Variants in EDN1 observed in about 807,000 individuals in gnomAD.
EDN1 encodes endothelin 1.
Under a neutral mutation model 21.7 loss-of-function variants are expected in EDN1, and 11 were observed. That is an observed-to-expected ratio of 0.51 (90% CI 0.32 to 0.84). EDN1 has a LOEUF of 0.84. Ranked by LOEUF, EDN1 falls within the 40% of genes least tolerant of loss-of-function variation. The pLI is 0.03. For missense variants in EDN1, 244 were observed against 262.3 expected, an observed-to-expected ratio of 0.93 and a Z score of 0.48; for synonymous variants, 85 against 90.6, an observed-to-expected ratio of 0.94 and a Z score of 0.35.
chr6:12,296,379 G>C lies in EDN1; in HGVS notation c.*312G>C, dbSNP rs374886874. The C allele has an allele frequency of 1.5e-5, 5 of 336,516 alleles. No individual in the cohort carries two copies. Among genetic ancestry groups the C allele is most frequent in the African/African-American group, 1.0e-4 (5 of 47,670 alleles). The allele number at this position is 336,516 out of a possible 1,614,324, so 20.8% of individuals were successfully genotyped here. ...CCTCCGGAGAGAGAGAGAGGAAGGA[G>C]ATTCCACACAGGGGTGGAGTTTCTG... On this transcript the variant is annotated 3_prime_UTR_variant, in exon 5 of 5. Transcript: ENST00000379375.
chr6:12,233,461 C>G, the EDN1 span, among the ~76,000 whole-genome samples: 1 of 152,150 alleles, frequency 6.6e-6, no homozygotes, highest in Non-Finnish European at 1.5e-5. Context: ...AAGGTCATGT[C>G]CAGGTAGCGA....
At chr6:12,245,180 C>G in the EDN1 span, among the ~76,000 whole-genome samples, 1,437 of 152,178 alleles carry the variant, frequency 9.4e-3, 19 homozygotes, top group African/African-American at 0.032. Context: ...AGCTTTTTTC[C>G]TAAACATTTA....
chr6:12,256,547 A>G, the EDN1 span, among the ~76,000 whole-genome samples: 4 of 152,172 alleles, frequency 2.6e-5, no homozygotes, highest in African/African-American at 9.7e-5. Flanking sequence ...CACAGTCCCA[A>G]GGTGCATCCG....
chr6:12,237,471 G>A, the EDN1 span, among the ~76,000 whole-genome samples: 2 of 152,138 alleles, frequency 1.3e-5, no homozygotes, highest in Non-Finnish European at 2.9e-5. Flanking sequence ...TTTTATAAAT[G>A]TGGTAAATTT....
chr6:12,283,785 C>T, the EDN1 span, among the ~76,000 whole-genome samples: 1 of 152,236 alleles, frequency 6.6e-6, no homozygotes, highest in African/African-American at 2.4e-5. Context: ...CACCTGTGTT[C>T]TCACTGACAC....
rs1762643386 is a variant in EDN1, at chr6:12,290,462, T to A, written c.-168T>A. Reference sequence around the variant, plus strand: ...CCTGCAGACGCTCCGCTCGCTGCCTTCTCTCCTGGCAGGCGCTGCCTTTTC... The same window carrying A: ...CCTGCAGACGCTCCGCTCGCTGCCTACTCTCCTGGCAGGCGCTGCCTTTTC... On this transcript the variant is annotated 5_prime_UTR_variant, in exon 1 of 5. Coordinates refer to ENST00000379375, the MANE Select transcript of EDN1 (RefSeq NM_001955.5). The A allele has an allele frequency of 4.6e-6, 3 of 646,132 alleles. No individual in the cohort carries two copies. The highest frequency in any genetic ancestry group is 5.5e-6 in the Non-Finnish European group (2 of 364,554). The allele number at this position is 646,132 out of a possible 1,614,324, so 40.0% of individuals were successfully genotyped here. A position where few individuals can be genotyped will look rare whatever the true frequency, so the allele number is the denominator to read the frequency against.
chr6:12,241,196 C>T, the EDN1 span, among the ~76,000 whole-genome samples: 19,783 of 142,710 alleles, frequency 0.14, 1,478 homozygotes, highest in Middle Eastern at 0.3. Context: ...GATGGAGTCT[C>T]ACTCTGTCAC....
At chr6:12,250,117 C>G in the EDN1 span, among the ~76,000 whole-genome samples, 1 of 151,212 alleles carries the variant, frequency 6.6e-6, no homozygotes, top group Non-Finnish European at 1.5e-5. Flanking sequence ...TATTCCTGAC[C>G]CATGCACTCT....
chr6:12,238,657 G>A, the EDN1 span, among the ~76,000 whole-genome samples: 3 of 152,198 alleles, frequency 2.0e-5, no homozygotes, highest in African/African-American at 4.8e-5. Flanking sequence ...TCTAGTTATC[G>A]TAGGAAGAGA....
At chr6:12,257,850 A>C in the EDN1 span, among the ~76,000 whole-genome samples, 2 of 152,152 alleles carry the variant, frequency 1.3e-5, no homozygotes, top group South Asian at 4.1e-4. Flanking sequence ...TAAAGCCTCA[A>C]TATTGTATGC....
the EDN1 span, among the ~76,000 whole-genome samples, chr6:12,243,555 C>G: frequency 6.6e-6 from 1 of 152,168 alleles, no homozygotes; most frequent in Non-Finnish European, 1.5e-5. Flanking sequence ...AGTCCTGTGT[C>G]TTTCAACCCA....
chr6:12,270,675 A>T, the EDN1 span, among the ~76,000 whole-genome samples: 1 of 152,270 alleles, frequency 6.6e-6, no homozygotes, highest in East Asian at 1.9e-4. Context: ...TTTTTTTGAC[A>T]CTTGGCTTGT....
At chr6:12,274,345 T>C in the EDN1 span, among the ~76,000 whole-genome samples, 6 of 152,234 alleles carry the variant, frequency 3.9e-5, no homozygotes, top group African/African-American at 1.2e-4. Context: ...CAGAGATCAA[T>C]TCTAAGAGTA....
At chr6:12,250,001 A>G in the EDN1 span, among the ~76,000 whole-genome samples, 2 of 152,104 alleles carry the variant, frequency 1.3e-5, no homozygotes, top group African/African-American at 4.8e-5. Context: ...CACTTTTGGC[A>G]TATGTGGAAA....
the EDN1 span, among the ~76,000 whole-genome samples, chr6:12,273,163 C>G: frequency 1.3e-5 from 2 of 152,170 alleles, no homozygotes; most frequent in Non-Finnish European, 2.9e-5. Context: ...GAAAGGGGGT[C>G]AGAGGAGGCC....
chr6:12,284,505 AAAGG>A, the EDN1 span, among the ~76,000 whole-genome samples: 2,342 of 150,546 alleles, frequency 0.016, 34 homozygotes, highest in Middle Eastern at 0.031. Flanking sequence ...ATTTGTCTAA[AAAGG>A]AAGGAAGGAA....
Position 12,296,842 on chromosome 6 carries a change from T to C in EDN1, c.*775T>C, listed in dbSNP as rs574832108. On this transcript the variant is annotated 3_prime_UTR_variant, in exon 5 of 5. Coordinates refer to ENST00000379375, the MANE Select transcript of EDN1 (RefSeq NM_001955.5). ...CTGATCCATAAGAAAAAAAAGATCA[T>C]TAAATCAGGAGATTCCCTGTCCTTG... The C allele has an allele frequency of 6.6e-4, 101 of 152,340 alleles. No individual in the cohort carries two copies. Among genetic ancestry groups the C allele is most frequent in the Non-Finnish European group, 1.3e-3 (89 of 68,040 alleles). 9.4% of individuals were successfully genotyped at this position (152,340 alleles called of 1,614,324 possible).
the EDN1 span, among the ~76,000 whole-genome samples, chr6:12,274,045 G>A: frequency 3.7e-4 from 57 of 152,166 alleles, no homozygotes; most frequent in African/African-American, 1.1e-3. Context: ...ATCTTCACTT[G>A]GTCTTCATTC....
chr6:12,252,850 A>G, the EDN1 span, among the ~76,000 whole-genome samples: 1 of 152,216 alleles, frequency 6.6e-6, no homozygotes. Context: ...ACAAGTAATT[A>G]TAAAGTTAGA....
Sources: allele counts gnomAD v4.1 joint callset (sites outside exome capture counted in the v4.1 genomes callset), GRCh38; gene constraint gnomAD v4.1.1; transcripts MANE v1.5; gene names NCBI Gene and HGNC (gene_info 2026-07-23, HGNC 2026-07-21).